ANKS1B: variants seen among roughly 807,000 people sequenced by gnomAD.
The protein encoded by ANKS1B is ankyrin repeat and sterile alpha motif domain containing 1B.
Under a neutral mutation model 148.3 loss-of-function variants are expected in ANKS1B, and 36 were observed. The observed-to-expected ratio is 0.24, with a 90% CI of 0.19 to 0.32. The LOEUF is 0.32. ANKS1B is among the 10% of genes least tolerant of loss of function. ANKS1B has a pLI of 1.00. For missense variants in ANKS1B, 1,157 were observed against 1,542.6 expected, an observed-to-expected ratio of 0.75 and a Z score of 4.19; for synonymous variants, 542 against 560.8, an observed-to-expected ratio of 0.97 and a Z score of 0.47.
chr12:99,162,233 T>C (rs1359015096), intron 14 of ANKS1B, among the ~76,000 whole-genome samples: 1 of 152,064 alleles, frequency 6.6e-6, no homozygotes, highest in African/African-American at 2.4e-5. Context: ...GTGACGAAAA[T>C]GTTTTAAAAT....
chr12:99,884,827 A>C (rs1425256417), intron 1 of ANKS1B, among the ~76,000 whole-genome samples: 1 of 152,196 alleles, frequency 6.6e-6, no homozygotes, highest in African/African-American at 2.4e-5. Flanking sequence ...GATGGTGGTT[A>C]CACGATTACA....
At chr12:99,353,299 T>A (rs1487009847) in intron 12 of ANKS1B, among the ~76,000 whole-genome samples, 1 of 152,042 alleles carries the variant, frequency 6.6e-6, no homozygotes, top group Non-Finnish European at 1.5e-5. Flanking sequence ...ATAATACCAA[T>A]CTTATAAATT....
chr12:99,731,279 C>A (rs548455552), intron 8 of ANKS1B, among the ~76,000 whole-genome samples: 1 of 152,226 alleles, frequency 6.6e-6, no homozygotes, highest in South Asian at 2.1e-4. Context: ...CCACCACACC[C>A]AGATAATTTT....
intron 14 of ANKS1B, among the ~76,000 whole-genome samples, chr12:99,179,051 T>TATA (rs1450118606): frequency 3.9e-5 from 6 of 152,226 alleles, no homozygotes; most frequent in African/African-American, 1.4e-4. Flanking sequence ...CATTCATTTC[T>TATA]ATAAACTATA....
intron 9 of ANKS1B, among the ~76,000 whole-genome samples, chr12:99,522,335 T>A (rs2153063543): frequency 6.6e-6 from 1 of 152,310 alleles, no homozygotes; most frequent in African/African-American, 2.4e-5. Flanking sequence ...GCTTTGATGC[T>A]TTGCCTTACT....
chr12:99,463,520 G>A (rs539200589), intron 10 of ANKS1B, among the ~76,000 whole-genome samples: 2 of 152,340 alleles, frequency 1.3e-5, no homozygotes, highest in East Asian at 1.9e-4. Context: ...AGGGGGCAGG[G>A]AGTTCCCTTT....
intron 12 of ANKS1B, among the ~76,000 whole-genome samples, chr12:99,249,824 A>G (rs531455662): frequency 3.3e-5 from 5 of 152,382 alleles, no homozygotes; most frequent in African/African-American, 9.6e-5. Flanking sequence ...GCATGTGTGC[A>G]TTAGACTTGT....
At chr12:99,128,054 A>C (rs2064939160) in intron 15 of ANKS1B, among the ~76,000 whole-genome samples, 1 of 152,160 alleles carries the variant, frequency 6.6e-6, no homozygotes, top group African/African-American at 2.4e-5. Context: ...AACTTCTTTG[A>C]ATCAATTTCT....
chr12:99,267,524 C>T (rs2076565358), intron 12 of ANKS1B, among the ~76,000 whole-genome samples: 1 of 151,442 alleles, frequency 6.6e-6, no homozygotes, highest in African/African-American at 2.4e-5. Context: ...CTATTTCCCC[C>T]AGTTTGCCAA....
At chr12:99,750,123 T>A (rs1328062501) in intron 8 of ANKS1B, among the ~76,000 whole-genome samples, 1 of 152,078 alleles carries the variant, frequency 6.6e-6, no homozygotes, top group Admixed American at 6.6e-5. Context: ...TTAGAATTAC[T>A]GATTTTATTT....
At chr12:99,979,530 G>T (rs1489864274) in intron 1 of ANKS1B, among the ~76,000 whole-genome samples, 2 of 151,966 alleles carry the variant, frequency 1.3e-5, no homozygotes, top group Non-Finnish European at 2.9e-5. Flanking sequence ...ATTACTGAAG[G>T]TCCAAACGAG....
chr12:99,765,319 T>C (rs1211879370), intron 8 of ANKS1B, among the ~76,000 whole-genome samples: 3 of 152,184 alleles, frequency 2.0e-5, no homozygotes, highest in African/African-American at 7.2e-5. Flanking sequence ...GTTACAATTA[T>C]TTTGAGATAT....
chr12:98,814,414 C>T (rs1325229440), intron 19 of ANKS1B, among the ~76,000 whole-genome samples: 2 of 152,196 alleles, frequency 1.3e-5, no homozygotes, highest in Admixed American at 6.5e-5. Flanking sequence ...CTACCGTTAT[C>T]CGTTATCATT....
chr12:99,091,273 T>C (rs1334541362), intron 15 of ANKS1B, among the ~76,000 whole-genome samples: 1 of 152,202 alleles, frequency 6.6e-6, no homozygotes, highest in Non-Finnish European at 1.5e-5. Context: ...GATTTTTTCC[T>C]CTTTATTTTT....
intron 17 of ANKS1B, among the ~76,000 whole-genome samples, chr12:98,969,708 T>C (rs551176906): frequency 3.3e-5 from 5 of 152,188 alleles, no homozygotes; most frequent in Non-Finnish European, 7.3e-5. Context: ...TAGCTGCTAA[T>C]TTTGTTTGAC....
chr12:98,793,781 C>T (rs1377127131), intron 22 of ANKS1B, among the ~76,000 whole-genome samples: 1 of 152,132 alleles, frequency 6.6e-6, no homozygotes, highest in Non-Finnish European at 1.5e-5. Context: ...TGGCTTACCT[C>T]TTACAGTAAC....
Position 98,773,117 on chromosome 12 carries a change from G to C in ANKS1B, c.3504C>G (p.Leu1168=). The change falls in exon 25 of 27, where the codon CTC becomes CTG. Residue 1168 remains leucine (L), a synonymous_variant. Coordinates refer to ENST00000683438, the MANE Select transcript of ANKS1B (RefSeq NM_001352186.2). The stretch of plus-strand genomic sequence containing the variant: ...CTTTTGTGATATAGGCAAATGTTGA[G>C]AGGTCTTCTGGGTCCTGGGCAGCAC... ...ISCAAQDPED[L]STFAYITKDL... 1.2e-6 allele frequency: 2 copies of C among 1,613,932 alleles called. No homozygotes were observed. The highest frequency in any genetic ancestry group is 1.6e-4 in the Middle Eastern group (1 of 6,062).
At chr12:99,363,066 T>C (rs1291277376) in intron 12 of ANKS1B, among the ~76,000 whole-genome samples, 1 of 152,040 alleles carries the variant, frequency 6.6e-6, no homozygotes, top group East Asian at 1.9e-4. Context: ...TCAAACATAT[T>C]GCAAAGATTA....
At chr12:99,956,542 T>C (rs2095327194) in intron 1 of ANKS1B, among the ~76,000 whole-genome samples, 1 of 152,154 alleles carries the variant, frequency 6.6e-6, no homozygotes, top group South Asian at 2.1e-4. Flanking sequence ...ACACAATCCA[T>C]GCTGAAAAAT....
Sources: allele counts gnomAD v4.1 joint callset (sites outside exome capture counted in the v4.1 genomes callset), GRCh38; gene constraint gnomAD v4.1.1; transcripts MANE v1.5; gene names NCBI Gene and HGNC (gene_info 2026-07-23, HGNC 2026-07-21).